The following PTPN14 variants were observed in gnomAD, a reference collection of about 807,000 sequenced individuals.
PTPN14 encodes protein tyrosine phosphatase non-receptor type 14.
In PTPN14, 53 loss-of-function variants were observed where a neutral mutation model predicts 126.8. The ratio of observed to expected loss-of-function variants is 0.42; its 90% CI spans 0.34 to 0.53. The LOEUF (loss-of-function observed/expected upper bound fraction) is 0.53, where lower values mean the gene tolerates loss of function less well. PTPN14 is among the 20% of genes least tolerant of loss of function. PTPN14 has a pLI of 0.08. For synonymous variants in PTPN14, 630 were observed against 599.3 expected, an observed-to-expected ratio of 1.05 and a Z score of -0.75; for missense variants, 1,257 against 1,552.9, an observed-to-expected ratio of 0.81 and a Z score of 3.20.
intron 3 of PTPN14, among the ~76,000 whole-genome samples, chr1:214,422,943 C>T (rs897800814): frequency 5.3e-5 from 8 of 152,048 alleles, no homozygotes; most frequent in Admixed American, 5.2e-4. Flanking sequence ...ACGAATGAGG[C>T]AATGGAAGTA....
chr1:214,390,650 C>A (rs1343945037), intron 11 of PTPN14, among the ~76,000 whole-genome samples: 2 of 152,166 alleles, frequency 1.3e-5, no homozygotes, highest in Non-Finnish European at 2.9e-5. Context: ...GAGCTCGTAA[C>A]TGAAGATGTA....
intron 1 of PTPN14, among the ~76,000 whole-genome samples, chr1:214,526,010 G>C (rs1460072023): frequency 3.3e-5 from 5 of 150,710 alleles, no homozygotes; most frequent in Admixed American, 3.3e-4. Context: ...CTGTCACCCA[G>C]GCTGGAGTGC....
intron 1 of PTPN14, among the ~76,000 whole-genome samples, chr1:214,474,728 T>C (rs772420289): frequency 2.6e-5 from 4 of 152,292 alleles, no homozygotes; most frequent in African/African-American, 9.6e-5. Context: ...CTGTGAACTC[T>C]TGGAATAAGG....
intron 5 of PTPN14, among the ~76,000 whole-genome samples, chr1:214,406,039 T>C (rs1429762965): frequency 6.6e-6 from 1 of 152,144 alleles, no homozygotes; most frequent in Non-Finnish European, 1.5e-5. Flanking sequence ...AGCTGATAAC[T>C]AAAGCCTAGG....
At chr1:214,507,512 T>C (rs149472934) in intron 1 of PTPN14, among the ~76,000 whole-genome samples, 3 of 152,340 alleles carry the variant, frequency 2.0e-5, no homozygotes, top group Non-Finnish European at 2.9e-5. Flanking sequence ...AAGACATATA[T>C]AGAACACCTT....
At chr1:214,385,157 T>A (rs1218889793) in intron 12 of PTPN14, among the ~76,000 whole-genome samples, 1 of 152,108 alleles carries the variant, frequency 6.6e-6, no homozygotes, top group African/African-American at 2.4e-5. Context: ...TAGGACTGAA[T>A]ATTTAGACAA....
At position 214,452,670 on chromosome 1, in the gene PTPN14, G is replaced by A. The variant is rs1222308734; in HGVS notation, c.175-696C>T. 3.9e-5 allele frequency among the ~76,000 whole-genome samples: 6 copies of A among 152,170 alleles called. No homozygotes were observed. The East Asian group carries it at 7.7e-4, about 20-fold the overall frequency. On this transcript the variant is annotated intron_variant, in intron 2 of 18. Coordinates refer to ENST00000366956, the MANE Select transcript of PTPN14 (RefSeq NM_005401.5). ...TTTGTTAGATGAAAGTGAGATTTTC[G>A]CCCTTAGACTTGAAGCCTAAACCAG...
intron 3 of PTPN14, among the ~76,000 whole-genome samples, chr1:214,450,523 T>C (rs1042145033): frequency 2.0e-5 from 3 of 151,698 alleles, no homozygotes; most frequent in East Asian, 1.9e-4. Flanking sequence ...AAGCAGAATA[T>C]TGCCTTAAAA....
At chr1:214,422,663 C>T (rs779999925) in intron 3 of PTPN14, among the ~76,000 whole-genome samples, 4 of 152,206 alleles carry the variant, frequency 2.6e-5, no homozygotes, top group Non-Finnish European at 5.9e-5. Flanking sequence ...GCATAACATC[C>T]TTGAAGCTTT....
chr1:214,433,951 CAAAAAAAAAA>C (rs1158472144), intron 3 of PTPN14, among the ~76,000 whole-genome samples: 14 of 98,566 alleles, frequency 1.4e-4, no homozygotes, highest in East Asian at 3.6e-4. Flanking sequence ...CACACACACA[CAAAAAAAAAA>C]AAAAAAAAAA....
intron 18 of PTPN14, 132 bp from the exon 19 acceptor site, chr1:214,358,182 C>T: frequency 8.9e-7 from 1 of 1,120,846 alleles, no homozygotes; most frequent in South Asian, 1.9e-5. Context: ...GGACTCTGCC[C>T]TGGCTGGGTT....
At chr1:214,485,330 CAG>C (rs1661087299) in intron 1 of PTPN14, among the ~76,000 whole-genome samples, 1 of 152,164 alleles carries the variant, frequency 6.6e-6, no homozygotes, top group South Asian at 2.1e-4. Context: ...AGACTCAAAA[CAG>C]AGGAATGCTT....
rs147953986 is a variant in PTPN14 at position 214,424,500 on chromosome 1, G to A, written c.345-9774C>T. Among the ~76,000 whole-genome samples, 888 of 151,750 alleles carry A rather than the reference G, an allele frequency of 5.9e-3. 2 individuals are homozygous for A. The highest frequency in any genetic ancestry group is 0.011 in the Non-Finnish European group (724 of 67,908). On this transcript the variant is annotated intron_variant, in intron 3 of 18. Transcript: ENST00000366956. ...AATTTCCATAGCATGGACCTGTGGT[G>A]AGACAATTGAGTGGGACACCCCACT...
intron 5 of PTPN14, among the ~76,000 whole-genome samples, chr1:214,403,511 T>G (rs547355554): frequency 1.4e-4 from 22 of 152,264 alleles, no homozygotes; most frequent in African/African-American, 4.8e-4. Context: ...AGGCAACAGT[T>G]GCGTAGCTGA....
chr1:214,406,581 C>T (rs115167129), intron 5 of PTPN14, among the ~76,000 whole-genome samples: 1 of 151,996 alleles, frequency 6.6e-6, no homozygotes, highest in Non-Finnish European at 1.5e-5. Context: ...AATATCCACA[C>T]ATGGCTAGCA....
intron 3 of PTPN14, among the ~76,000 whole-genome samples, chr1:214,437,069 T>C (rs1354945622): frequency 1.3e-5 from 2 of 152,040 alleles, no homozygotes; most frequent in Admixed American, 6.6e-5. Context: ...AAATCAAGTA[T>C]TTCATGAACC....
At chr1:214,397,392 G>A (rs1217124064) in intron 8 of PTPN14, among the ~76,000 whole-genome samples, 2 of 152,200 alleles carry the variant, frequency 1.3e-5, no homozygotes, top group Non-Finnish European at 2.9e-5. Flanking sequence ...GACATGAAAT[G>A]CAGGGGGGAG....
intron 13 of PTPN14, among the ~76,000 whole-genome samples, chr1:214,380,375 A>T (rs1658444395): frequency 6.6e-6 from 1 of 152,154 alleles, no homozygotes; most frequent in Non-Finnish European, 1.5e-5. Context: ...TGTCTCTTTG[A>T]TCCTTCTCAC....
In PTPN14 at chr1:214,383,595, C is replaced by G. The variant is rs184270548; in HGVS notation, c.2260G>C (p.Gly754Arg). Residue 754 changes from glycine (G) to arginine (R), a missense_variant, in exon 13 of 19, where the codon GGT becomes CGT. Physicochemically the swap from Gly to Arg is moderately radical, Grantham distance 125 (BLOSUM62 -2). Around this residue, in one of 3 missense-constraint regions of PTPN14, gnomAD observed 1,021 missense variants for 1,183.3 expected, o/e 0.86. Transcript: ENST00000366956. This position sits in a 1 kb window ranked among gnomAD's most constrained non-coding sequence, Gnocchi z 4.4. The part of the protein sequence containing the change: ...IPNKPPPEYP[G>R]PRKSVSNGAL... ...CCATTGCTCACACTCTTCCTTGGAC[C>G]GGGGTACTCAGGCGGGGGCTTGTTG... is the stretch of plus-strand genomic sequence containing the variant. 20 of 1,613,536 alleles carry G rather than the reference C, an allele frequency of 1.2e-5. No homozygotes were observed. The highest frequency in any genetic ancestry group is 1.5e-5 in the Non-Finnish European group (18 of 1,179,904).
Sources: allele counts gnomAD v4.1 joint callset (sites outside exome capture counted in the v4.1 genomes callset), GRCh38; gene constraint gnomAD v4.1.1; regional missense constraint gnomAD v4.1.1; non-coding constraint Gnocchi (gnomAD v3.1); transcripts MANE v1.5; gene names NCBI Gene and HGNC (gene_info 2026-07-23, HGNC 2026-07-21).